The following INPP5F variants were observed in gnomAD, a reference collection of about 807,000 sequenced individuals.
The protein encoded by INPP5F is inositol polyphosphate-5-phosphatase F.
A neutral mutation model predicts 137.2 loss-of-function variants in INPP5F; 97 were observed. The observed-to-expected ratio is 0.71, with a 90% CI of 0.60 to 0.84. The LOEUF (loss-of-function observed/expected upper bound fraction) is 0.84. INPP5F is among the 40% of genes least tolerant of loss of function. The pLI is 0.00. For missense variants in INPP5F, 1,271 were observed against 1,371.9 expected (o/e 0.93, Z 1.16); for synonymous variants, 504 against 476.9 (o/e 1.06, Z -0.74).
At chr10:119,744,318 TCCTTCC>T (rs1257812786) in intron 1 of INPP5F, among the ~76,000 whole-genome samples, 1 of 152,160 alleles carries the variant, frequency 6.6e-6, no homozygotes, top group Non-Finnish European at 1.5e-5. Flanking sequence ...TTATCCTCCA[TCCTTCC>T]CCTTGCTAAA....
intron 1 of INPP5F, among the ~76,000 whole-genome samples, chr10:119,745,801 T>G (rs1848514851): frequency 6.8e-6 from 1 of 147,180 alleles, no homozygotes; most frequent in Admixed American, 7.0e-5. Context: ...ACCTCCTGGG[T>G]TCAAGCGATT....
chr10:119,771,887 T>TAC (rs1564820110), intron 2 of INPP5F, among the ~76,000 whole-genome samples: 1 of 37,328 alleles, frequency 2.7e-5, no homozygotes, highest in Non-Finnish European at 5.3e-5. Flanking sequence ...TATATATTTT[T>TAC]TTTTTTTTTT....
In INPP5F at chr10:119,825,420, C is replaced by T. The variant is rs112082421; in HGVS notation, c.2250-1211C>T. Among the ~76,000 whole-genome samples the T allele has an allele frequency of 6.6e-3, 1,012 of 152,214 alleles. 10 individuals carry two copies. Among genetic ancestry groups the T allele is most frequent in the African/African-American group, 0.023 (970 of 41,538 alleles). ...CATTTAAAATATGCTTAGGATATCC[C>T]TCTAGGTGTGTTTAAAAGTTTTGAT... On this transcript the variant is annotated intron_variant, in intron 19 of 19. Coordinates refer to ENST00000650623, the MANE Select transcript of INPP5F (RefSeq NM_014937.4).
intron 2 of INPP5F, among the ~76,000 whole-genome samples, chr10:119,760,268 C>G (rs929252682): frequency 6.6e-6 from 1 of 152,114 alleles, no homozygotes; most frequent in Non-Finnish European, 1.5e-5. Flanking sequence ...GGTTTGTTTT[C>G]TAGCCTCAGA....
Position 119,827,858 on chromosome 10 carries a change from C to G in INPP5F, c.*78C>G. ...CACCTCTTGGGGTATTTTAATTGTA[C>G]TGTCTGAACCCAGGGATCACAAATT... is the stretch of plus-strand genomic sequence containing the variant. On this transcript the variant is annotated 3_prime_UTR_variant, in exon 20 of 20. Coordinates refer to ENST00000650623, the MANE Select transcript of INPP5F (RefSeq NM_014937.4). 1.9e-6 allele frequency: 2 copies of G among 1,047,878 alleles called. No individual in the cohort carries two copies. The highest frequency in any genetic ancestry group is 2.8e-6 in the Non-Finnish European group (2 of 721,568). The allele number at this position is 1,047,878 out of a possible 1,614,324, so 64.9% of individuals were successfully genotyped here.
intron 11 of INPP5F, 91 bp downstream of exon 11, chr10:119,805,552 A>T: frequency 1.1e-6 from 1 of 904,928 alleles, no homozygotes; most frequent in South Asian, 1.4e-5. Context: ...ATGCAGAGAC[A>T]GCATTTTTTT....
chr10:119,732,036 GTTTTT>G (rs57619660), intron 1 of INPP5F, among the ~76,000 whole-genome samples: 9 of 101,596 alleles, frequency 8.9e-5, no homozygotes, highest in Non-Finnish European at 1.2e-4. Context: ...AAGACAAGTG[GTTTTT>G]TTTTTTTTTT....
chr10:119,824,700 A>G (rs1323694078), intron 19 of INPP5F, among the ~76,000 whole-genome samples: 1 of 152,160 alleles, frequency 6.6e-6, no homozygotes, highest in African/African-American at 2.4e-5. Context: ...ACCTAAGACT[A>G]TTCATTTTCA....
At chr10:119,771,217 C>A (rs190366458) in intron 2 of INPP5F, among the ~76,000 whole-genome samples, 16 of 152,118 alleles carry the variant, frequency 1.1e-4, no homozygotes, top group Non-Finnish European at 1.8e-4. Flanking sequence ...AATATGTGCA[C>A]CTTTGTGATT....
intron 15 of INPP5F, chr10:119,818,811 C>T (rs1851410621): frequency 6.6e-6 from 1 of 152,282 alleles, no homozygotes; most frequent in Non-Finnish European, 1.5e-5. Flanking sequence ...GACTGACTGA[C>T]GATGCCGCGC....
chr10:119,822,079 G>A (rs373708179), intron 16 of INPP5F, among the ~76,000 whole-genome samples: 10 of 151,908 alleles, frequency 6.6e-5, no homozygotes, highest in South Asian at 6.3e-4. Context: ...TAGTAAAGAC[G>A]GGGTTTCTCC....
At chr10:119,798,843 C>G (rs1039656345) in intron 9 of INPP5F, among the ~76,000 whole-genome samples, 1 of 135,692 alleles carries the variant, frequency 7.4e-6, no homozygotes, top group Non-Finnish European at 1.5e-5. Context: ...ATTGCCCAGG[C>G]TGGACTCAAA....
At chr10:119,822,964 T>C in intron 17 of INPP5F, 107 bp from the exon 18 acceptor site, 1 of 1,089,726 alleles carries the variant, frequency 9.2e-7, no homozygotes, top group Non-Finnish European at 1.3e-6. Context: ...GTATTTTGTG[T>C]GCTGTCATTT....
At chr10:119,785,537 A>C (rs1589712226) in intron 3 of INPP5F, among the ~76,000 whole-genome samples, 4 of 123,910 alleles carry the variant, frequency 3.2e-5, no homozygotes, top group African/African-American at 3.6e-5. Context: ...GATCCGCTCG[A>C]GAGAGAGAGA....
chr10:119,796,822 A>G lies in INPP5F; in HGVS notation c.777A>G (p.Pro259=). Residue 259 remains proline, a synonymous_variant, in exon 7 of 20, where the codon CCA becomes CCG. Coordinates refer to ENST00000650623, the MANE Select transcript of INPP5F (RefSeq NM_014937.4). ...CATCTGATGATGAGAAAAGCAGCCC[A>G]GAGACCCCCCCTCAGGAGTCCACCT... is the stretch of plus-strand genomic sequence containing the variant. ...TESSDDEKSS[P]ETPPQESTCV... 1 of 1,613,628 alleles carries G rather than the reference A, an allele frequency of 6.2e-7. No individual in the cohort carries two copies. The highest frequency in any genetic ancestry group is 8.5e-7 in the Non-Finnish European group (1 of 1,179,800).
intron 12 of INPP5F, among the ~76,000 whole-genome samples, chr10:119,807,678 T>C (rs1850849265): frequency 6.6e-6 from 1 of 152,150 alleles, no homozygotes. Flanking sequence ...AAAGACAAAA[T>C]ATAATAGTAT....
chr10:119,742,218 C>T (rs540271604), intron 1 of INPP5F, among the ~76,000 whole-genome samples: 37 of 150,238 alleles, frequency 2.5e-4, no homozygotes, highest in Non-Finnish European at 5.2e-4. Flanking sequence ...TGCAGTGGCG[C>T]GATCTCAGCT....
intron 2 of INPP5F, among the ~76,000 whole-genome samples, chr10:119,761,478 C>G (rs1310729710): frequency 2.0e-5 from 3 of 152,084 alleles, no homozygotes; most frequent in Non-Finnish European, 4.4e-5. Flanking sequence ...GGTAGCATTA[C>G]TTGTTTTTCC....
intron 1 of INPP5F, among the ~76,000 whole-genome samples, chr10:119,736,516 A>G (rs796285437): frequency 6.6e-5 from 10 of 152,316 alleles, no homozygotes; most frequent in African/African-American, 1.4e-4. Flanking sequence ...ATTAAGTGGT[A>G]TACAGTTAAG....
Sources: gnomAD v4.1 joint callset for allele counts (sites outside exome capture counted in the v4.1 genomes callset) on GRCh38, gnomAD v4.1.1 for gene constraint, MANE v1.5 for transcripts, NCBI Gene and HGNC (gene_info 2026-07-23, HGNC 2026-07-21) for gene names.